The following CHRM3 variants were observed in gnomAD, a reference collection of about 807,000 sequenced individuals.
CHRM3 encodes the protein muscarinic acetylcholine receptor M3.
Under a neutral mutation model 41.8 loss-of-function variants are expected in CHRM3, and 11 were observed. The observed-to-expected ratio is 0.26, with a 90% confidence interval of 0.17 to 0.44. The LOEUF is 0.44. Ranked by LOEUF, CHRM3 falls within the 20% of genes least tolerant of loss-of-function variation. The pLI is 1.00. For synonymous variants in CHRM3, 297 were observed against 301.4 expected, an observed-to-expected ratio of 0.99 and a Z score of 0.15; for missense variants, 571 against 745.4, an observed-to-expected ratio of 0.77 and a Z score of 2.72.
intron 2 of CHRM3, among the ~76,000 whole-genome samples, chr1:239,539,883 CT>C (rs1250856612): frequency 6.6e-6 from 1 of 152,158 alleles, no homozygotes; most frequent in Non-Finnish European, 1.5e-5. Context: ...TCCCAAAATG[CT>C]GGGATTACAG....
At chr1:239,874,571 C>T (rs1413998641) in intron 6 of CHRM3, among the ~76,000 whole-genome samples, 2 of 151,256 alleles carry the variant, frequency 1.3e-5, no homozygotes, top group African/African-American at 4.9e-5. Context: ...GAAGGAAAGC[C>T]GTATATGTAC....
intron 3 of CHRM3, among the ~76,000 whole-genome samples, chr1:239,613,379 A>G (rs978892792): frequency 2.6e-5 from 4 of 152,224 alleles, no homozygotes; most frequent in African/African-American, 9.6e-5. Flanking sequence ...TGATTTCTTT[A>G]AAGAAAAGAA....
intron 3 of CHRM3, among the ~76,000 whole-genome samples, chr1:239,557,623 G>A (rs1434972130): frequency 6.6e-6 from 1 of 151,918 alleles, no homozygotes; most frequent in Non-Finnish European, 1.5e-5. Flanking sequence ...TTTCTCTATT[G>A]TTCTCCCCCA....
intron 3 of CHRM3, among the ~76,000 whole-genome samples, chr1:239,552,741 T>C (rs1336560192): frequency 2.0e-5 from 3 of 151,164 alleles, no homozygotes; most frequent in Non-Finnish European, 4.4e-5. Context: ...TCCTCCCTTC[T>C]TGGCATCCCA....
intron 4 of CHRM3, among the ~76,000 whole-genome samples, chr1:239,645,520 A>G (rs1199334514): frequency 6.6e-6 from 1 of 152,222 alleles, no homozygotes; most frequent in African/African-American, 2.4e-5. Flanking sequence ...AGAAAAGAAA[A>G]TCCAAATCAG....
At chr1:239,468,314 TAA>T (rs1206768484) in intron 1 of CHRM3, among the ~76,000 whole-genome samples, 3 of 152,164 alleles carry the variant, frequency 2.0e-5, no homozygotes, top group Admixed American at 6.5e-5. Flanking sequence ...TTTGAAAAAA[TAA>T]AGAGATGTCC....
intron 5 of CHRM3, chr1:239,730,593 C>G (rs1026780472): frequency 2.6e-5 from 4 of 151,852 alleles, no homozygotes; most frequent in Non-Finnish European, 2.9e-5. Context: ...GTAGAGGGAA[C>G]AGTCTGTACA....
At chr1:239,746,298 G>T (rs1430106408) in intron 5 of CHRM3, among the ~76,000 whole-genome samples, 7 of 152,098 alleles carry the variant, frequency 4.6e-5, no homozygotes, top group African/African-American at 1.7e-4. Flanking sequence ...TATTTCTTGC[G>T]CATTTGTTCT....
chr1:239,857,927 C>A (rs533641599), intron 6 of CHRM3, among the ~76,000 whole-genome samples: 21 of 151,992 alleles, frequency 1.4e-4, no homozygotes, highest in African/African-American at 4.8e-4. Context: ...GAAGTTGCCC[C>A]GAACATTATC....
At position 239,859,819 on chromosome 1, in the gene CHRM3, T is replaced by TTTTA. The variant is rs367766853; in HGVS notation, c.-20+32442_-20+32443insTTAT. Among the ~76,000 whole-genome samples, 12 of 131,416 alleles carry TTTTA rather than the reference T, an allele frequency of 9.1e-5. No homozygotes were observed. The East Asian group carries it at 1.5e-3, about 16-fold the overall frequency. 86.2% of individuals were successfully genotyped at this position (131,416 alleles called of 152,430 possible). On this transcript the variant is annotated intron_variant, in intron 6 of 6. Transcript: ENST00000676153. Reference sequence around the variant, plus strand: ...AAATTATATATAAGTTCTAAGTGTTTTATATATATATATATATATATATAT... The same window carrying TTTTA: ...AAATTATATATAAGTTCTAAGTGTTTTTTATATATATATATATATATATATATAT...
intron 6 of CHRM3, among the ~76,000 whole-genome samples, chr1:239,846,750 T>C (rs1024408901): frequency 2.6e-5 from 4 of 152,196 alleles, no homozygotes; most frequent in Admixed American, 2.6e-4. Context: ...ACCAAACATT[T>C]TCCTTTGCTA....
intron 3 of CHRM3, among the ~76,000 whole-genome samples, chr1:239,575,228 C>T (rs745668492): frequency 7.2e-5 from 11 of 152,048 alleles, no homozygotes; most frequent in East Asian, 1.9e-4. Flanking sequence ...AGAACCTCTA[C>T]GTATTAGCAC....
chr1:239,496,954 G>T (rs998116781), intron 2 of CHRM3, among the ~76,000 whole-genome samples: 1 of 152,090 alleles, frequency 6.6e-6, no homozygotes, highest in Non-Finnish European at 1.5e-5. Flanking sequence ...AGTATTTTAG[G>T]TTGGATGCAT....
chr1:239,474,446 T>G (rs1666332888), intron 1 of CHRM3, among the ~76,000 whole-genome samples: 1 of 152,098 alleles, frequency 6.6e-6, no homozygotes, highest in African/African-American at 2.4e-5. Flanking sequence ...TCTATATATT[T>G]TGATTATTGG....
chr1:239,745,906 A>C (rs996914772), intron 5 of CHRM3, among the ~76,000 whole-genome samples: 2 of 152,164 alleles, frequency 1.3e-5, no homozygotes, highest in Non-Finnish European at 2.9e-5. Context: ...TTCCTTCTAA[A>C]ATTATAGTCC....
At chr1:239,684,053 T>C (rs1658832086) in intron 5 of CHRM3, among the ~76,000 whole-genome samples, 1 of 152,230 alleles carries the variant, frequency 6.6e-6, no homozygotes, top group Middle Eastern at 3.2e-3. Flanking sequence ...GTAATTCATG[T>C]ATTTAGGATT....
chr1:239,791,049 G>GAAA (rs35541531), intron 5 of CHRM3, among the ~76,000 whole-genome samples: 1 of 115,672 alleles, frequency 8.6e-6, no homozygotes, highest in African/African-American at 2.8e-5. Flanking sequence ...CGCTCCTGGA[G>GAAA]AAAAAAAAAA....
At chr1:239,720,054 C>A (rs189268592) in intron 5 of CHRM3, 2 of 152,026 alleles carry the variant, frequency 1.3e-5, no homozygotes, top group Non-Finnish European at 2.9e-5. Flanking sequence ...ACTAAAAATA[C>A]TTATGCAGAA....
At chr1:239,691,101 G>A (rs1057082057) in intron 5 of CHRM3, among the ~76,000 whole-genome samples, 11 of 152,210 alleles carry the variant, frequency 7.2e-5, no homozygotes, top group African/African-American at 2.4e-4. Context: ...CATGAGCTGA[G>A]CTCTTCCTGC....
Sources: gnomAD v4.1 joint callset for allele counts (sites outside exome capture counted in the v4.1 genomes callset) on GRCh38, gnomAD v4.1.1 for gene constraint, MANE v1.5 for transcripts, NCBI Gene and HGNC (gene_info 2026-07-23, HGNC 2026-07-21) for gene names.